Variants in CD226 observed in about 807,000 individuals in gnomAD.
CD226 encodes CD226 antigen.
CD226 carries 24 observed loss-of-function variants against 34.9 expected under a neutral mutation model. That is an observed-to-expected ratio of 0.69 (90% CI 0.50 to 0.97). CD226 has a LOEUF of 0.97. Ranked by LOEUF, CD226 falls within the 50% of genes least tolerant of loss-of-function variation. CD226 has a pLI of 0.00. For synonymous variants in CD226, 148 were observed against 147.4 expected (o/e 1.00, Z -0.03); for missense variants, 397 against 412.7 (o/e 0.96, Z 0.33).
At chr18:69,961,564 G>A (rs1211317451), upstream of CD226, 5 of 152,180 alleles carry the variant, frequency 3.3e-5, no homozygotes, top group African/African-American at 9.7e-5. Context: ...GTGCTCCCTG[G>A]AGCAGAAATC....
intron 2 of CD226, among the ~76,000 whole-genome samples, chr18:69,916,560 C>T (rs11874344): frequency 4.6e-5 from 7 of 152,084 alleles, no homozygotes; most frequent in South Asian, 2.1e-4. Flanking sequence ...TAAAGTAATA[C>T]AAAAAGTATA....
chr18:69,930,988 G>A (rs1288290290), intron 2 of CD226, among the ~76,000 whole-genome samples: 2 of 152,118 alleles, frequency 1.3e-5, no homozygotes, highest in African/African-American at 4.8e-5. Context: ...CAACCCAAAT[G>A]TCCAACAACG....
At chr18:69,944,731 C>A (rs1235367881) in intron 2 of CD226, among the ~76,000 whole-genome samples, 1 of 152,238 alleles carries the variant, frequency 6.6e-6, no homozygotes, top group Non-Finnish European at 1.5e-5. Flanking sequence ...ACTTCGCCTG[C>A]CTGACTGATT....
At chr18:69,933,870 T>C (rs1184554099) in intron 2 of CD226, among the ~76,000 whole-genome samples, 1 of 152,226 alleles carries the variant, frequency 6.6e-6, no homozygotes, top group East Asian at 1.9e-4. Flanking sequence ...GTTGAAAATA[T>C]TTTCATCTTA....
At chr18:69,896,196 T>TTC (rs1985284392) in intron 2 of CD226, 151 bp from the exon 3 acceptor site, 3 of 1,393,294 alleles carry the variant, frequency 2.2e-6, no homozygotes, top group African/African-American at 1.5e-5. Context: ...TTTTTTTTTT[T>TTC]CCTGAGACGG....
intron 2 of CD226, among the ~76,000 whole-genome samples, chr18:69,912,139 A>G (rs979926182): frequency 2.6e-5 from 4 of 152,204 alleles, no homozygotes; most frequent in South Asian, 4.1e-4. Context: ...CACCTTATAC[A>G]AAAATTAATT....
At chr18:69,941,776 T>C (rs1019208655) in intron 2 of CD226, among the ~76,000 whole-genome samples, 10 of 152,120 alleles carry the variant, frequency 6.6e-5, no homozygotes, top group Non-Finnish European at 1.3e-4. Context: ...TGGGGGACTG[T>C]TGGGAGGGTA....
intron 2 of CD226, among the ~76,000 whole-genome samples, chr18:69,939,013 G>T (rs893054593): frequency 6.6e-6 from 1 of 152,190 alleles, no homozygotes; most frequent in Non-Finnish European, 1.5e-5. Flanking sequence ...TTGAACCCAG[G>T]AGGCAGAGGT....
intron 2 of CD226, among the ~76,000 whole-genome samples, chr18:69,911,987 T>A (rs1421172348): frequency 6.6e-6 from 1 of 152,172 alleles, no homozygotes; most frequent in African/African-American, 2.4e-5. Flanking sequence ...TTTTCTTATA[T>A]CTATTCAAAA....
At chr18:69,924,692 CAAAAAAAAA>C (rs56118102) in intron 2 of CD226, among the ~76,000 whole-genome samples, 7 of 57,110 alleles carry the variant, frequency 1.2e-4, no homozygotes, top group South Asian at 8.3e-4. Context: ...AAGGTATTGC[CAAAAAAAAA>C]AAAAAAAAAA....
intron 2 of CD226, among the ~76,000 whole-genome samples, chr18:69,915,328 A>T (rs539586068): frequency 3.0e-4 from 46 of 152,330 alleles, no homozygotes; most frequent in African/African-American, 1.1e-3. Flanking sequence ...CAATGTTAAT[A>T]TAACTAACCA....
intron 2 of CD226, among the ~76,000 whole-genome samples, chr18:69,913,175 C>G (rs12968717): frequency 0.77 from 117,225 of 152,020 alleles, 52,038 homozygotes; most frequent in East Asian, 1. Flanking sequence ...CCATCTTCCC[C>G]GTCTCCACAC....
At chr18:69,929,035 G>C (rs183667047) in intron 2 of CD226, among the ~76,000 whole-genome samples, 12 of 152,338 alleles carry the variant, frequency 7.9e-5, no homozygotes, top group Admixed American at 2.6e-4. Context: ...AATTCCCAGA[G>C]GGTCCAGGAA....
At chr18:69,869,439 TG>T (rs1186111958) in intron 4 of CD226, among the ~76,000 whole-genome samples, 1 of 151,914 alleles carries the variant, frequency 6.6e-6, no homozygotes, top group Non-Finnish European at 1.5e-5. Context: ...CACCTATAAG[TG>T]GGAGCTAAAT....
At chr18:69,942,516 T>C (rs1207685575) in intron 2 of CD226, among the ~76,000 whole-genome samples, 1 of 152,220 alleles carries the variant, frequency 6.6e-6, no homozygotes, top group African/African-American at 2.4e-5. Flanking sequence ...AAAATTCCAT[T>C]AGGCACATCA....
intron 4 of CD226, among the ~76,000 whole-genome samples, chr18:69,871,663 G>A (rs1983529755): frequency 6.6e-6 from 1 of 152,222 alleles, no homozygotes; most frequent in Non-Finnish European, 1.5e-5. Flanking sequence ...AGCCAAATGT[G>A]GGGAAACAGC....
rs976180467 is a variant in CD226, at chr18:69,858,273, G to A, written c.*6041C>T. 2 of 152,148 alleles carry A rather than the reference G, an allele frequency of 1.3e-5. No individual in the cohort carries two copies. Among genetic ancestry groups the A allele is most frequent in the Admixed American group, 1.3e-4 (2 of 15,284 alleles). The allele number at this position is 152,148 out of a possible 1,614,324, so 9.4% of individuals were successfully genotyped here. A position where few individuals can be genotyped will look rare whatever the true frequency, so the allele number is the denominator to read the frequency against. ...ACAGGGCCTTGAAACATTTATAAAAGGGTATATTAAACCCTGCCTTTAAGA... is the reference window on the plus strand; with the variant it reads ...ACAGGGCCTTGAAACATTTATAAAAAGGTATATTAAACCCTGCCTTTAAGA... On this transcript the variant is annotated 3_prime_UTR_variant, in exon 6 of 6. Coordinates refer to ENST00000582621, the MANE Select transcript of CD226 (RefSeq NM_001303618.2).
At position 69,864,234 on chromosome 18, in the gene CD226, G is replaced by A; in HGVS notation, c.*80C>T. 2 of 1,335,646 alleles carry A rather than the reference G, an allele frequency of 1.5e-6. No individual in the cohort carries two copies. The highest frequency in any genetic ancestry group is 1.3e-5 in the South Asian group (1 of 77,858). 82.7% of individuals were successfully genotyped at this position (1,335,646 alleles called of 1,614,324 possible). On this transcript the variant is annotated 3_prime_UTR_variant, in exon 6 of 6. Coordinates refer to ENST00000582621, the MANE Select transcript of CD226 (RefSeq NM_001303618.2). Reference sequence around the variant, plus strand: ...CAACTAGTATCTAAGGTAGACCTTGGGTAGTGGAAAAAAATTGCATAAAGA... The same window carrying A: ...CAACTAGTATCTAAGGTAGACCTTGAGTAGTGGAAAAAAATTGCATAAAGA...
At chr18:69,875,213 G>C (rs948848363) in intron 3 of CD226, among the ~76,000 whole-genome samples, 4 of 151,988 alleles carry the variant, frequency 2.6e-5, no homozygotes, top group Non-Finnish European at 2.9e-5. Context: ...ATCTCAGCTC[G>C]CTGCAAGCTC....
Sources: allele counts gnomAD v4.1 joint callset (sites outside exome capture counted in the v4.1 genomes callset), GRCh38; gene constraint gnomAD v4.1.1; transcripts MANE v1.5; gene names NCBI Gene and HGNC (gene_info 2026-07-23, HGNC 2026-07-21).